The following GRIA3 variants were observed in gnomAD, a reference collection of about 807,000 sequenced individuals.
GRIA3 encodes the protein glutamate ionotropic receptor AMPA type subunit 3.
GRIA3 carries 3 observed loss-of-function variants against 63.0 expected under a neutral mutation model. The observed-to-expected ratio is 0.05, with a 90% confidence interval of 0.02 to 0.12. The LOEUF is 0.12. GRIA3 is among the 10% of genes least tolerant of loss of function. The probability of loss-of-function intolerance (pLI) is 1.00; values close to 1 mark genes in which losing one functional copy is unlikely to be tolerated. For synonymous variants in GRIA3, 274 were observed against 257.9 expected (o/e 1.06, Z -0.60); for missense variants, 347 against 700.9 (o/e 0.50, Z 5.70).
intron 2 of GRIA3, among the ~76,000 whole-genome samples, chrX:123,213,277 G>T (rs1198936860): frequency 8.9e-6 from 1 of 112,368 alleles, no homozygotes; most frequent in African/African-American, 3.2e-5. Context: ...CCTGGGTGTA[G>T]AATTGCATTG....
chrX:123,246,242 A>G (rs2044358597), intron 2 of GRIA3, among the ~76,000 whole-genome samples: 1 of 112,175 alleles, frequency 8.9e-6, no homozygotes, highest in African/African-American at 3.2e-5. Context: ...TTAGCTTTCT[A>G]TTTACTGCTG....
At chrX:123,427,698 G>T (rs1191495203) in intron 11 of GRIA3, among the ~76,000 whole-genome samples, 1 of 110,745 alleles carries the variant, frequency 9.0e-6, no homozygotes, top group Non-Finnish European at 1.9e-5. Flanking sequence ...AGAAAATCCT[G>T]CTTTGAAACG....
At chrX:123,407,836 C>T (rs1280611468) in intron 10 of GRIA3, among the ~76,000 whole-genome samples, 8 of 111,334 alleles carry the variant, frequency 7.2e-5, no homozygotes, top group Non-Finnish European at 1.3e-4. Context: ...CAGGCCCATC[C>T]CATTCTGAAA....
intron 12 of GRIA3, among the ~76,000 whole-genome samples, chrX:123,447,749 C>T (rs2045710407): frequency 8.9e-6 from 1 of 112,040 alleles, no homozygotes; most frequent in African/African-American, 3.2e-5. Context: ...AGCAACCAAG[C>T]CAAATGGCTG....
At chrX:123,368,225 G>T (rs2045225693) in intron 5 of GRIA3, among the ~76,000 whole-genome samples, 1 of 111,522 alleles carries the variant, frequency 9.0e-6, no homozygotes, top group Non-Finnish European at 1.9e-5. Context: ...TATTATCAGA[G>T]AGGAGGAGTG....
At chrX:123,248,642 C>T (rs892134043) in intron 2 of GRIA3, among the ~76,000 whole-genome samples, 4 of 110,581 alleles carry the variant, frequency 3.6e-5, no homozygotes, top group Non-Finnish European at 5.7e-5. Flanking sequence ...AAAAATTAGC[C>T]GGGCATGGTG....
chrX:123,260,533 GAAA>G (rs2044453166), intron 3 of GRIA3, among the ~76,000 whole-genome samples: 1 of 83,397 alleles, frequency 1.2e-5, no homozygotes, highest in Admixed American at 1.4e-4. Context: ...AGAAAGGAAA[GAAA>G]GAAAGAAAGA....
At chrX:123,481,285 TC>T (rs1261485325) in intron 14 of GRIA3, among the ~76,000 whole-genome samples, 1 of 112,181 alleles carries the variant, frequency 8.9e-6, no homozygotes, top group Non-Finnish European at 1.9e-5. Flanking sequence ...AAAGAGATAA[TC>T]CAATATTTCA....
chrX:123,470,921 A>G (rs1221448669), intron 13 of GRIA3, among the ~76,000 whole-genome samples: 2 of 112,184 alleles, frequency 1.8e-5, no homozygotes, highest in South Asian at 3.7e-4. Flanking sequence ...ATGGATCCCA[A>G]TGACTCTTTA....
intron 12 of GRIA3, among the ~76,000 whole-genome samples, chrX:123,439,424 T>C (rs1010649132): frequency 1.8e-5 from 2 of 111,955 alleles, no homozygotes; most frequent in Non-Finnish European, 3.8e-5. Context: ...GGTTAACTTC[T>C]ATGCCTAGAG....
At chrX:123,391,204 T>G (rs1287056529) in intron 5 of GRIA3, among the ~76,000 whole-genome samples, 1 of 111,448 alleles carries the variant, frequency 9.0e-6, no homozygotes, top group Non-Finnish European at 1.9e-5. Flanking sequence ...GGCAATGTAT[T>G]TTTTTTACTT....
At chrX:123,308,999 C>G (rs928928303) in intron 3 of GRIA3, among the ~76,000 whole-genome samples, 3 of 112,516 alleles carry the variant, frequency 2.7e-5, no homozygotes, top group Non-Finnish European at 3.8e-5. Context: ...GAAGAGGACC[C>G]AGATTTCATC....
chrX:123,361,880 C>G (rs1239913781), intron 5 of GRIA3, among the ~76,000 whole-genome samples: 1 of 111,273 alleles, frequency 9.0e-6, no homozygotes, highest in Non-Finnish European at 1.9e-5. Flanking sequence ...CTTCATGGAC[C>G]AGTAAACATG....
intron 2 of GRIA3, among the ~76,000 whole-genome samples, chrX:123,206,431 G>C (rs1376032289): frequency 1.8e-5 from 2 of 112,225 alleles, no homozygotes; most frequent in Non-Finnish European, 3.8e-5. Flanking sequence ...ATGCTCGGCA[G>C]ATGGCTCACT....
intron 3 of GRIA3, among the ~76,000 whole-genome samples, chrX:123,289,029 T>C (rs749443855): frequency 2.7e-5 from 3 of 111,952 alleles, no homozygotes; most frequent in African/African-American, 9.7e-5. Context: ...CAAATGCCCA[T>C]CAATGATAGA....
At position 123,394,894 on chromosome X, in the gene GRIA3, T is replaced by G. The variant is rs1340780261; in HGVS notation, c.751-74T>G. 4.5e-5 allele frequency: 34 copies of G among 747,342 alleles called. No individual in the cohort carries two copies. In the East Asian group the frequency reaches 1.1e-3, roughly 24 times the overall value. 61.6% of individuals were successfully genotyped at this position (747,342 alleles called of 1,213,427 possible). ...TAGGGAAGGAGCTTTCACATTATCC[T>G]TAGCACTCTAACAGATATGGTGAGT... On this transcript the variant is annotated intron_variant, in intron 5 of 15. Transcript: ENST00000620443.
At chrX:123,362,726 AAGAGAG>A (rs372381939) in intron 5 of GRIA3, among the ~76,000 whole-genome samples, 5 of 108,690 alleles carry the variant, frequency 4.6e-5, no homozygotes, top group African/African-American at 1.0e-4. Flanking sequence ...AAAAAAAAAA[AAGAGAG>A]AGAGAGAGAG....
At chrX:123,312,705 TGTGTTGTA>T (rs2044803203) in intron 3 of GRIA3, among the ~76,000 whole-genome samples, 1 of 112,301 alleles carries the variant, frequency 8.9e-6, no homozygotes, top group Non-Finnish European at 1.9e-5. Flanking sequence ...AAGTCACAGA[TGTGTTGTA>T]GGCAAAGTGC....
At chrX:123,334,778 G>A (rs1245348068) in intron 4 of GRIA3, among the ~76,000 whole-genome samples, 1 of 111,246 alleles carries the variant, frequency 9.0e-6, no homozygotes, top group African/African-American at 3.3e-5. Context: ...GCCCCAAGCT[G>A]TATGAGTTCA....
Sources: gnomAD v4.1 joint callset for allele counts (sites outside exome capture counted in the v4.1 genomes callset) on GRCh38, gnomAD v4.1.1 for gene constraint, MANE v1.5 for transcripts, NCBI Gene and HGNC (gene_info 2026-07-23, HGNC 2026-07-21) for gene names.